Variants in SEC14L1 observed in about 807,000 individuals in gnomAD.
SEC14L1 encodes SEC14 like lipid binding 1.
In SEC14L1, 48 loss-of-function variants were observed where a neutral mutation model predicts 85.3. The observed-to-expected ratio is 0.56, with a 90% CI of 0.45 to 0.72. SEC14L1 has a LOEUF of 0.72. SEC14L1 is among the 30% of genes least tolerant of loss of function. The probability of loss-of-function intolerance (pLI) is 0.00; values close to 1 mark genes in which losing one functional copy is unlikely to be tolerated. For synonymous variants in SEC14L1, 391 were observed against 355.5 expected (o/e 1.10, Z -1.12); for missense variants, 682 against 921.4 (o/e 0.74, Z 3.36).
chr17:77,141,194 C>A (rs1473939215), intron 1 of SEC14L1, 87 bp downstream of exon 1: 1 of 151,852 alleles, frequency 6.6e-6, no homozygotes, highest in Non-Finnish European at 1.5e-5. Flanking sequence ...GCGGGCCCCC[C>A]GGAACTCCCG....
At chr17:77,193,715 T>C (rs1000384820) in intron 6 of SEC14L1, among the ~76,000 whole-genome samples, 166 bp downstream of exon 6, 3 of 152,122 alleles carry the variant, frequency 2.0e-5, no homozygotes, top group Admixed American at 2.0e-4. Context: ...GGGGTTGAGG[T>C]TGTGCTGGTT....
intron 2 of SEC14L1, among the ~76,000 whole-genome samples, chr17:77,091,780 G>T (rs1266288015): frequency 6.6e-6 from 1 of 152,146 alleles, no homozygotes; most frequent in Middle Eastern, 3.4e-3. Flanking sequence ...ATTTCTCCTG[G>T]AGGTCTCCAA....
chr17:77,151,397 A>G (rs62078300), intron 3 of SEC14L1, among the ~76,000 whole-genome samples: 1 of 152,138 alleles, frequency 6.6e-6, no homozygotes, highest in African/African-American at 2.4e-5. Flanking sequence ...GCTCCTTTGT[A>G]CAGAGCCAGA....
At chr17:77,125,817 C>T (rs1972432067) in intron 3 of SEC14L1, among the ~76,000 whole-genome samples, 1 of 152,004 alleles carries the variant, frequency 6.6e-6, no homozygotes, top group Non-Finnish European at 1.5e-5. Context: ...AAACTGGTGA[C>T]CTGGAAGGAA....
At chr17:77,179,606 A>C (rs1348875604) in intron 3 of SEC14L1, among the ~76,000 whole-genome samples, 2 of 152,186 alleles carry the variant, frequency 1.3e-5, no homozygotes. Flanking sequence ...GTCTTCTAAG[A>C]TGAAGTTCAT....
rs189942402 is a variant in SEC14L1 at position 77,195,640 on chromosome 17, G to A, written c.710-562G>A. Among the ~76,000 whole-genome samples, 106 of 151,904 alleles carry A rather than the reference G, an allele frequency of 7.0e-4. 1 individual carries two copies. Among genetic ancestry groups the A allele is most frequent in the African/African-American group, 2.0e-3 (84 of 41,440 alleles). On this transcript the variant is annotated intron_variant, in intron 7 of 16. Coordinates refer to ENST00000436233, the MANE Select transcript of SEC14L1 (RefSeq NM_001143998.2). ...GTAGCTGGGATTATAAGCCTGCACCGCCACGCCTGACTAATTTTTATATTC... is the reference window on the plus strand; with the variant it reads ...GTAGCTGGGATTATAAGCCTGCACCACCACGCCTGACTAATTTTTATATTC...
At chr17:77,203,797 G>A (rs976487674) in intron 10 of SEC14L1, 139 bp downstream of exon 10, 11 of 645,796 alleles carry the variant, frequency 1.7e-5, no homozygotes, top group South Asian at 3.7e-5. Flanking sequence ...TATTAATATC[G>A]TCTTAAAATT....
At chr17:77,140,329 A>T (rs1972940911), upstream of SEC14L1, among the ~76,000 whole-genome samples, 1 of 152,182 alleles carries the variant, frequency 6.6e-6, no homozygotes, top group Non-Finnish European at 1.5e-5. Flanking sequence ...GTTGACAAGG[A>T]TGCCGCTGGG....
intron 3 of SEC14L1, among the ~76,000 whole-genome samples, chr17:77,126,508 G>A (rs766826502): frequency 6.6e-5 from 10 of 152,126 alleles, no homozygotes; most frequent in African/African-American, 1.9e-4. Context: ...TTTGTGCCTC[G>A]GTCTCCCTGA....
intron 3 of SEC14L1, among the ~76,000 whole-genome samples, chr17:77,177,630 A>G (rs926184238): frequency 1.3e-5 from 2 of 152,116 alleles, no homozygotes; most frequent in Non-Finnish European, 2.9e-5. Flanking sequence ...AACTAGAACA[A>G]TCTGAAACTG....
intron 3 of SEC14L1, among the ~76,000 whole-genome samples, chr17:77,189,576 G>A (rs1175952864): frequency 3.9e-5 from 6 of 152,110 alleles, no homozygotes; most frequent in Non-Finnish European, 8.8e-5. Context: ...TACATGGTTT[G>A]TAAATCCCTC....
At chr17:77,118,624 G>A (rs1016878454) in intron 3 of SEC14L1, among the ~76,000 whole-genome samples, 2 of 152,214 alleles carry the variant, frequency 1.3e-5, no homozygotes, top group Non-Finnish European at 2.9e-5. Context: ...TGCGCTTAAC[G>A]TAAGGAAAGC....
At chr17:77,187,236 A>AGAGGG (rs1486234343) in intron 3 of SEC14L1, among the ~76,000 whole-genome samples, 2 of 152,182 alleles carry the variant, frequency 1.3e-5, no homozygotes, top group Non-Finnish European at 2.9e-5. Flanking sequence ...ACAACCTTAC[A>AGAGGG]GAGGGGTGAC....
chr17:77,155,271 A>G (rs1416699329), intron 3 of SEC14L1, among the ~76,000 whole-genome samples: 2 of 152,098 alleles, frequency 1.3e-5, no homozygotes, highest in Admixed American at 1.3e-4. Flanking sequence ...AACAGAGTTC[A>G]TCTCCTCTTG....
intron 3 of SEC14L1, among the ~76,000 whole-genome samples, chr17:77,178,635 A>G (rs1368210567): frequency 6.6e-6 from 1 of 152,206 alleles, no homozygotes; most frequent in Admixed American, 6.5e-5. Context: ...CTTCCACCTC[A>G]GATCATCAGG....
rs185777060 is a variant in SEC14L1, at chr17:77,126,968, T to C, written c.-135-15678T>C. On this transcript the variant is annotated intron_variant, in intron 3 of 19. Transcript: ENST00000392476. ...CCAACAGGGATTTCTTTTTTTTCTCTCTCTCTTTTTTTTAATTTTTATTTA... is the reference window on the plus strand; with the variant it reads ...CCAACAGGGATTTCTTTTTTTTCTCCCTCTCTTTTTTTTAATTTTTATTTA... 2.8e-3 allele frequency among the ~76,000 whole-genome samples: 407 copies of C among 147,798 alleles called. 2 individuals are homozygous for C. Among genetic ancestry groups the C allele is most frequent in the Admixed American group, 4.7e-3 (70 of 14,828 alleles).
At chr17:77,123,280 A>G (rs1689500723) in intron 3 of SEC14L1, among the ~76,000 whole-genome samples, 2 of 150,566 alleles carry the variant, frequency 1.3e-5, no homozygotes, top group African/African-American at 4.9e-5. Flanking sequence ...TGATCTCTTG[A>G]CCTCATGATC....
At chr17:77,207,013 G>GTTA (rs1484632145) in intron 13 of SEC14L1, 151 bp downstream of exon 13, 1 of 741,060 alleles carries the variant, frequency 1.3e-6, no homozygotes, top group East Asian at 2.8e-5. Context: ...TCTGATCCAG[G>GTTA]GTTAAGCTAA....
At chr17:77,205,566 G>C (rs1976422701) in intron 11 of SEC14L1, among the ~76,000 whole-genome samples, 1 of 152,198 alleles carries the variant, frequency 6.6e-6, no homozygotes, top group African/African-American at 2.4e-5. Flanking sequence ...TGGCCTGTCT[G>C]CTTAGTCTGT....
Sources: gnomAD v4.1 joint callset for allele counts (sites outside exome capture counted in the v4.1 genomes callset) on GRCh38, gnomAD v4.1.1 for gene constraint, MANE v1.5 for transcripts, NCBI Gene and HGNC (gene_info 2026-07-23, HGNC 2026-07-21) for gene names.